The following NMUR2 variants were observed in gnomAD, a reference collection of about 807,000 sequenced individuals.
NMUR2 encodes the protein neuromedin U receptor 2.
NMUR2 carries 24 observed loss-of-function variants against 25.1 expected under a neutral mutation model. The observed-to-expected ratio is 0.96, with a 90% confidence interval of 0.69 to 1.34. The LOEUF is 1.34. Ranked by LOEUF, NMUR2 falls within the 40% of genes most tolerant of loss-of-function variation. NMUR2 has a pLI of 0.00. For synonymous variants in NMUR2, 218 were observed against 208.1 expected, an observed-to-expected ratio of 1.05 and a Z score of -0.41; for missense variants, 533 against 512.8, an observed-to-expected ratio of 1.04 and a Z score of -0.38.
chr5:152,401,553 A>G (rs1473493576), intron 1 of NMUR2, among the ~76,000 whole-genome samples: 2 of 152,222 alleles, frequency 1.3e-5, no homozygotes, highest in East Asian at 3.8e-4. Flanking sequence ...TAAAAAAATT[A>G]GTGCAACCCT....
Position 152,394,740 on chromosome 5 carries a change from T to C in NMUR2, c.937+719A>G, listed in dbSNP as rs146436916. On this transcript the variant is annotated intron_variant, in intron 3 of 3. Coordinates refer to ENST00000255262, the MANE Select transcript of NMUR2 (RefSeq NM_020167.5). ...TCATAATATCCACCTAATGACCTTG[T>C]GATGATTATAGAAAGATATACAGCA... Among the ~76,000 whole-genome samples the C allele has an allele frequency of 2.4e-3, 371 of 152,236 alleles. 2 individuals carry two copies. Among genetic ancestry groups the C allele is most frequent in the African/African-American group, 8.5e-3 (351 of 41,532 alleles).
chr5:152,397,913 C>T (rs868724415), intron 2 of NMUR2, 147 bp downstream of exon 2: 1 of 582,828 alleles, frequency 1.7e-6, no homozygotes, highest in South Asian at 2.3e-5. Flanking sequence ...ATATCTCTCC[C>T]CTTTGCTCCT....
intron 2 of NMUR2, among the ~76,000 whole-genome samples, chr5:152,396,664 G>A (rs1202424810): frequency 6.6e-6 from 1 of 152,104 alleles, no homozygotes; most frequent in Non-Finnish European, 1.5e-5. Flanking sequence ...CACTTTGGGT[G>A]GCCAAGGGGT....
chr5:152,400,013 A>G (rs1211461890), intron 1 of NMUR2, among the ~76,000 whole-genome samples: 4 of 152,202 alleles, frequency 2.6e-5, no homozygotes, highest in Non-Finnish European at 2.9e-5. Context: ...GGAATATTCC[A>G]GAAAAGGTAT....
chr5:152,402,229 T>C (rs1264932711), intron 1 of NMUR2, among the ~76,000 whole-genome samples: 1 of 151,694 alleles, frequency 6.6e-6, no homozygotes, highest in Non-Finnish European at 1.5e-5. Context: ...AGAGAATAAA[T>C]GAGGGTTAGA....
rs542852612 is a variant in NMUR2 at position 152,402,268 on chromosome 5, G to T, written c.726+2120C>A. Among the ~76,000 whole-genome samples, 160 of 152,246 alleles carry T rather than the reference G, an allele frequency of 1.1e-3. 1 individual carries two copies. Among genetic ancestry groups the T allele is most frequent in the African/African-American group, 3.6e-3 (151 of 41,548 alleles). On this transcript the variant is annotated intron_variant, in intron 1 of 3. Transcript: ENST00000255262. ...GCAAAAGGGGGAGTGGTGGCAGACA[G>T]TAGGAACATTTCAGGCTACAGGTAT...
rs141741005 is a variant in NMUR2 at position 152,404,761 on chromosome 5, C to A, written c.353G>T (p.Gly118Val). The A allele has an allele frequency of 6.2e-7, 1 of 1,614,106 alleles. No homozygotes were observed. The highest frequency in any genetic ancestry group is 8.5e-7 in the Non-Finnish European group (1 of 1,180,020). The change falls in exon 1 of 4, where the codon GGC becomes GTC. Residue 118 changes from glycine to valine, a missense_variant. Physicochemically the swap from Gly to Val is moderately radical, Grantham distance 109. Transcript: ENST00000255262. ...RNYPFLFGPVGCYFKTALFET... is the reference protein window; with the variant it reads ...RNYPFLFGPVVCYFKTALFET... ...AAAGAGGGCCGTCTTGAAGTAGCAG[C>A]CCACGGGCCCGAACAAGAAAGGGTA...
chr5:152,403,708 A>G (rs1169579808), intron 1 of NMUR2, among the ~76,000 whole-genome samples: 3 of 147,708 alleles, frequency 2.0e-5, no homozygotes, highest in Non-Finnish European at 4.5e-5. Context: ...ATGATTATAT[A>G]TTATATATAA....
rs769998163 is a variant in NMUR2, at chr5:152,397,012, GT to G, written c.811+1047del. On this transcript the variant is annotated intron_variant, in intron 2 of 3. Transcript: ENST00000255262. Reference sequence around the variant, plus strand: ...TGACTTTAATATGAGTGAGCTTCATGTTTTTTTTTTTTTTTTTTTGTGAGAG... The same window carrying G: ...TGACTTTAATATGAGTGAGCTTCATGTTTTTTTTTTTTTTTTTTGTGAGAG... Among the ~76,000 whole-genome samples, 961 of 105,710 alleles carry G rather than the reference GT, an allele frequency of 9.1e-3. 17 individuals carry two copies. Among genetic ancestry groups the G allele is most frequent in the African/African-American group, 0.024 (781 of 32,096 alleles). 69.3% of individuals were successfully genotyped at this position (105,710 alleles called of 152,430 possible).
Position 152,392,147 on chromosome 5 carries a change from C to T in NMUR2, c.*44G>A. On this transcript the variant is annotated 3_prime_UTR_variant, in exon 4 of 4. Coordinates refer to ENST00000255262, the MANE Select transcript of NMUR2 (RefSeq NM_020167.5). ...AAGGCATACATTATGGGATGTTCCT[C>T]TCTGAAGTTTTGAGGCATAGAGGAG... is the stretch of plus-strand genomic sequence containing the variant. 1 of 1,502,830 alleles carries T rather than the reference C, an allele frequency of 6.7e-7. No individual in the cohort carries two copies. Among genetic ancestry groups the T allele is most frequent in the Non-Finnish European group, 9.1e-7 (1 of 1,097,632 alleles). 93.1% of individuals were successfully genotyped at this position (1,502,830 alleles called of 1,614,324 possible).
At chr5:152,401,700 C>G (rs1753256964) in intron 1 of NMUR2, among the ~76,000 whole-genome samples, 1 of 152,166 alleles carries the variant, frequency 6.6e-6, no homozygotes, top group African/African-American at 2.4e-5. Context: ...GGGACTTGCC[C>G]TAGAATTGTC....
At chr5:152,403,767 A>AAT (rs1346270004) in intron 1 of NMUR2, among the ~76,000 whole-genome samples, 1 of 93,596 alleles carries the variant, frequency 1.1e-5, no homozygotes, top group Non-Finnish European at 2.3e-5. Context: ...CTATACATAT[A>AAT]ATATATATAG....
chr5:152,398,525 C>T (rs1753201411), intron 1 of NMUR2, among the ~76,000 whole-genome samples: 1 of 152,158 alleles, frequency 6.6e-6, no homozygotes, highest in Admixed American at 6.5e-5. Context: ...AAAGTGAAAT[C>T]CTTCTGCTCT....
At chr5:152,400,254 A>C (rs1311355835) in intron 1 of NMUR2, among the ~76,000 whole-genome samples, 1 of 152,184 alleles carries the variant, frequency 6.6e-6, no homozygotes, top group African/African-American at 2.4e-5. Context: ...TAAAGGATTA[A>C]AGACTCTGTG....
rs1368493725 is a variant in NMUR2 at position 152,392,327 on chromosome 5, A to G, written c.1112T>C (p.Phe371Ser). The G allele has an allele frequency of 6.2e-7, 1 of 1,614,036 alleles. No homozygotes were observed. Among genetic ancestry groups the G allele is most frequent in the Non-Finnish European group, 8.5e-7 (1 of 1,179,938 alleles). Reference sequence around the variant, plus strand: ...ACCTATATCTTCGGTCAGCTCCACAAAGTGGCATTCTGTCAGGAAGATGTT... The same window carrying G: ...ACCTATATCTTCGGTCAGCTCCACAGAGTGGCATTCTGTCAGGAAGATGTT... ...QRNIFLTECH[F>S]VELTEDIGPQ... is the part of the protein sequence containing the mutation. The change falls in exon 4 of 4, where the codon TTT becomes TCT. Residue 371 changes from phenylalanine to serine, a missense_variant. By Grantham distance (155) the Phe-to-Ser change is radical. Transcript: ENST00000255262.
intron 1 of NMUR2, among the ~76,000 whole-genome samples, chr5:152,401,225 G>T (rs1303795901): frequency 2.0e-5 from 3 of 152,090 alleles, no homozygotes; most frequent in Admixed American, 6.5e-5. Context: ...TACAACTCAG[G>T]TTACAAAAGG....
Position 152,392,175 on chromosome 5 carries a change from T to A in NMUR2, c.*16A>T. On this transcript the variant is annotated 3_prime_UTR_variant, in exon 4 of 4. Transcript: ENST00000255262. The stretch of plus-strand genomic sequence containing the variant: ...TGAAGTTTTGAGGCATAGAGGAGAG[T>A]CAGCTCTGAAAGAATTCAGGTTTTG... The A allele has an allele frequency of 6.3e-7, 1 of 1,595,394 alleles. No individual in the cohort carries two copies. The highest frequency in any genetic ancestry group is 2.2e-5 in the East Asian group (1 of 44,732).
chr5:152,396,095 T>C (rs555567611), intron 2 of NMUR2, among the ~76,000 whole-genome samples: 31 of 152,210 alleles, frequency 2.0e-4, no homozygotes, highest in African/African-American at 7.2e-4. Flanking sequence ...TATTATAAAT[T>C]GCTACAGCAC....
At position 152,405,184 on chromosome 5, in the gene NMUR2, AAAG is replaced by A; in HGVS notation, c.-74_-72del. ...AGCTGAGCCAGGAAAAAAAAAAAAA[AAAG>A]AAAAAAGGAAAACAAAAAAGAGAAA... On this transcript the variant is annotated 5_prime_UTR_variant, in exon 1 of 4. Coordinates refer to ENST00000255262, the MANE Select transcript of NMUR2 (RefSeq NM_020167.5). 6.7e-7 allele frequency: 1 copy of A among 1,487,880 alleles called. No individual in the cohort carries two copies. The highest frequency in any genetic ancestry group is 9.0e-7 in the Non-Finnish European group (1 of 1,115,180). 92.2% of individuals were successfully genotyped at this position (1,487,880 alleles called of 1,614,324 possible).
Sources: gnomAD v4.1 joint callset for allele counts (sites outside exome capture counted in the v4.1 genomes callset) on GRCh38, gnomAD v4.1.1 for gene constraint, MANE v1.5 for transcripts, NCBI Gene and HGNC (gene_info 2026-07-23, HGNC 2026-07-21) for gene names.